Variants in SAMMSON observed in about 807,000 individuals in gnomAD.
The protein encoded by SAMMSON is survival associated mitochondrial melanoma specific oncogenic non-coding RNA.
At chr3:70,105,401 G>T (rs1468142392) in intron 4 of SAMMSON, among the ~76,000 whole-genome samples, 6 of 152,168 alleles carry the variant, frequency 3.9e-5, no homozygotes, top group Non-Finnish European at 5.9e-5. Context: ...TACTTTTACA[G>T]TGAGTACATA....
intron 6 of SAMMSON, among the ~76,000 whole-genome samples, chr3:70,267,576 G>T (rs202118353): frequency 0.56 from 54,888 of 98,236 alleles, 12,123 homozygotes; most frequent in Non-Finnish European, 0.62. Context: ...CTAATTTTTT[G>T]TATTTTTTTT....
intron 4 of SAMMSON, among the ~76,000 whole-genome samples, chr3:70,086,110 A>G (rs988938977): frequency 6.6e-6 from 1 of 152,236 alleles, no homozygotes; most frequent in Non-Finnish European, 1.5e-5. Context: ...AGTCATTTCA[A>G]CAAAAGGTCA....
chr3:70,353,063 CACTT>C (rs1702804454), intron 7 of SAMMSON, among the ~76,000 whole-genome samples: 1 of 151,868 alleles, frequency 6.6e-6, no homozygotes. Flanking sequence ...TACTAAGTTT[CACTT>C]TATATTTAAA....
At chr3:70,003,108 TTACTC>T (rs2066912275) in intron 1 of SAMMSON, among the ~76,000 whole-genome samples, 1 of 152,194 alleles carries the variant, frequency 6.6e-6, no homozygotes, top group Non-Finnish European at 1.5e-5. Context: ...TTGCCTCTGT[TTACTC>T]CAATAGTACT....
At chr3:70,407,885 C>T (rs920934327) in intron 2 of SAMMSON, among the ~76,000 whole-genome samples, 2 of 152,264 alleles carry the variant, frequency 1.3e-5, no homozygotes, top group Non-Finnish European at 2.9e-5. Context: ...CAGAGTTTCT[C>T]CATGAGTGCC....
intron 3 of SAMMSON, among the ~76,000 whole-genome samples, chr3:70,032,745 T>C (rs961158015): frequency 4.6e-5 from 7 of 152,206 alleles, no homozygotes; most frequent in Non-Finnish European, 1.0e-4. Flanking sequence ...CAGCAGGGTG[T>C]GTTCCTCAAG....
chr3:70,224,811 A>G (rs1701488975), intron 4 of SAMMSON, among the ~76,000 whole-genome samples: 1 of 152,036 alleles, frequency 6.6e-6, no homozygotes, highest in African/African-American at 2.4e-5. Context: ...ATATCACTGT[A>G]ATTTTTGCAG....
chr3:70,319,991 C>A (rs191290352), intron 7 of SAMMSON, among the ~76,000 whole-genome samples: 114 of 152,128 alleles, frequency 7.5e-4, no homozygotes, highest in African/African-American at 2.6e-3. Context: ...TAGAAAATTT[C>A]TGCATCCAAC....
At chr3:70,393,000 T>C (rs912777741), downstream of SAMMSON, among the ~76,000 whole-genome samples, 3 of 152,146 alleles carry the variant, frequency 2.0e-5, no homozygotes, top group African/African-American at 7.2e-5. Flanking sequence ...ATGAATATTT[T>C]GTTCAGAAAA....
At chr3:70,326,027 A>G (rs542412700) in intron 7 of SAMMSON, among the ~76,000 whole-genome samples, 5 of 152,248 alleles carry the variant, frequency 3.3e-5, no homozygotes, top group African/African-American at 1.2e-4. Context: ...AACTCTAGTA[A>G]AATTGATTTT....
At chr3:70,216,003 A>T (rs1173562225) in intron 4 of SAMMSON, among the ~76,000 whole-genome samples, 1 of 152,088 alleles carries the variant, frequency 6.6e-6, no homozygotes. Context: ...ATTTGCATTG[A>T]TATCTGTAGA....
chr3:70,341,235 T>G (rs141406887), intron 7 of SAMMSON, among the ~76,000 whole-genome samples: 2 of 152,222 alleles, frequency 1.3e-5, no homozygotes, highest in Non-Finnish European at 2.9e-5. Context: ...GATTCCATAA[T>G]TAGCCCACAA....
chr3:70,198,751 A>G (rs773452427), intron 4 of SAMMSON, among the ~76,000 whole-genome samples: 2 of 152,138 alleles, frequency 1.3e-5, no homozygotes, highest in Non-Finnish European at 2.9e-5. Context: ...ATATTCCACA[A>G]TACCTCTACT....
chr3:70,125,424 T>G, intron 4 of SAMMSON: 8 of 1,108,380 alleles, frequency 7.2e-6, no homozygotes, highest in Non-Finnish European at 1.1e-5. Flanking sequence ...TCTCTAGAAA[T>G]TCTGTCCTTT....
At chr3:70,003,706 A>G (rs1007107643) in intron 1 of SAMMSON, among the ~76,000 whole-genome samples, 1 of 105,582 alleles carries the variant, frequency 9.5e-6, no homozygotes, top group South Asian at 3.6e-4. Flanking sequence ...GACACATCAC[A>G]TATTTACCAT....
chr3:70,289,198 C>T (rs1183201290), intron 6 of SAMMSON, among the ~76,000 whole-genome samples: 4 of 149,424 alleles, frequency 2.7e-5, no homozygotes, highest in Admixed American at 6.7e-5. Context: ...CGGCTGGTAC[C>T]GGTTGTTCCT....
chr3:70,250,409 T>TCACACACACACACA (rs1491108341), intron 6 of SAMMSON, among the ~76,000 whole-genome samples: 40 of 126,348 alleles, frequency 3.2e-4, no homozygotes, highest in Non-Finnish European at 4.0e-4. Flanking sequence ...TTTTAATGAA[T>TCACACACACACACA]CTCACACACA....
chr3:70,186,718 A>G (rs1348316818), intron 4 of SAMMSON, among the ~76,000 whole-genome samples: 1 of 152,208 alleles, frequency 6.6e-6, no homozygotes, highest in Non-Finnish European at 1.5e-5. Flanking sequence ...CCACTGTGTG[A>G]TGGGAAACAA....
intron 3 of SAMMSON, among the ~76,000 whole-genome samples, chr3:70,016,553 G>T (rs913132844): frequency 5.3e-5 from 8 of 151,938 alleles, no homozygotes; most frequent in Non-Finnish European, 1.2e-4. Flanking sequence ...TCACTCTGAT[G>T]GTAGTTTCTT....
Sources: gnomAD v4.1 joint callset for allele counts (sites outside exome capture counted in the v4.1 genomes callset) on GRCh38, gnomAD v4.1.1 for gene constraint, MANE v1.5 for transcripts, NCBI Gene and HGNC (gene_info 2026-07-23, HGNC 2026-07-21) for gene names.